The following DGKI variants were observed in gnomAD, a reference collection of about 807,000 sequenced individuals.
DGKI encodes the protein diacylglycerol kinase iota.
A neutral mutation model predicts 147.5 loss-of-function variants in DGKI; 55 were observed. That is an observed-to-expected ratio of 0.37 (90% confidence interval 0.30 to 0.47). The LOEUF (loss-of-function observed/expected upper bound fraction) is 0.47. Among genes scored for constraint, DGKI ranks in the 20% least tolerant of loss-of-function variants. The pLI, the probability that DGKI is intolerant of heterozygous loss-of-function variation, is 1.00. For missense variants in DGKI, 1,007 were observed against 1,323.8 expected (o/e 0.76, Z 3.71); for synonymous variants, 469 against 477.1 (o/e 0.98, Z 0.22).
intron 21 of DGKI, among the ~76,000 whole-genome samples, chr7:137,517,233 GAAAGAAAGAAAGAAAAGAA>G (rs1470096878): frequency 7.5e-5 from 8 of 107,230 alleles, no homozygotes; most frequent in African/African-American, 2.6e-4. Context: ...GAAAAAGAAA[GAAAGAAAGAAAGAAAAGAA>G]AAAGAAAGAA....
Position 137,521,863 on chromosome 7 carries a change from T to C in DGKI, c.2248+3A>G. 2 of 1,607,166 alleles carry C rather than the reference T, an allele frequency of 1.2e-6. No homozygotes were observed. Among genetic ancestry groups the C allele is most frequent in the Non-Finnish European group, 8.5e-7 (1 of 1,174,620 alleles). On this transcript the variant is annotated splice_donor_region_variant and intron_variant, in intron 21 of 32. Transcript: ENST00000614521. Reference sequence around the variant, plus strand: ...TGAAATCAATGAGGCACTTCCAACTTACAAGCTTCTCGGAGTTTCTCCTTG... The same window carrying C: ...TGAAATCAATGAGGCACTTCCAACTCACAAGCTTCTCGGAGTTTCTCCTTG...
Position 137,846,159 on chromosome 7 carries a change from T to TCA in DGKI, c.401+302_401+303insTG, listed in dbSNP as rs1445573422. On this transcript the variant is annotated intron_variant, in intron 1 of 32. Coordinates refer to ENST00000614521, the MANE Select transcript of DGKI (RefSeq NM_001321708.2). This position sits in a 1 kb window ranked among gnomAD's most constrained non-coding sequence, Gnocchi z 4.0. ...TTCTCTCTCTCTCTCTCTCTCTCTC[T>TCA]CTCACACACACACACACACACACAC... Among the ~76,000 whole-genome samples the TCA allele has an allele frequency of 2.0e-3, 265 of 130,096 alleles. 2 individuals carry two copies. Among genetic ancestry groups the TCA allele is most frequent in the Non-Finnish European group, 2.6e-3 (159 of 62,092 alleles). The allele number at this position is 130,096 out of a possible 152,430, so 85.3% of individuals were successfully genotyped here.
chr7:137,796,358 G>A (rs1797029571), intron 1 of DGKI, among the ~76,000 whole-genome samples: 1 of 152,114 alleles, frequency 6.6e-6, no homozygotes, highest in Non-Finnish European at 1.5e-5. Context: ...AAATTAGCTG[G>A]GCATGGTGGT....
At chr7:137,552,336 A>C in intron 20 of DGKI, 33 bp downstream of exon 20, 4 of 1,610,462 alleles carry the variant, frequency 2.5e-6, no homozygotes, top group Non-Finnish European at 3.4e-6. Context: ...CAAGGTCTTC[A>C]TGTTAAGCAA....
chr7:137,816,765 G>C (rs561373928), intron 1 of DGKI, among the ~76,000 whole-genome samples: 124 of 152,272 alleles, frequency 8.1e-4, no homozygotes, highest in Middle Eastern at 6.8e-3. Flanking sequence ...ATGACAATAG[G>C]GGGTGAGTAA....
chr7:137,515,460 C>T (rs1326501505), intron 21 of DGKI, among the ~76,000 whole-genome samples: 2 of 152,106 alleles, frequency 1.3e-5, no homozygotes, highest in East Asian at 1.9e-4. Flanking sequence ...GAGGAAGATC[C>T]AAAAACAGAA....
intron 1 of DGKI, among the ~76,000 whole-genome samples, chr7:137,724,049 A>G (rs923958932): frequency 2.7e-5 from 4 of 147,754 alleles, no homozygotes; most frequent in Non-Finnish European, 5.9e-5. Flanking sequence ...TCCTCTGAGC[A>G]GACCCCTACA....
chr7:137,509,591 G>GAGA (rs1816506169), intron 21 of DGKI, among the ~76,000 whole-genome samples: 1 of 152,156 alleles, frequency 6.6e-6, no homozygotes, highest in African/African-American at 2.4e-5. Context: ...GAGCAAAGAA[G>GAGA]GCGGCAGCAG....
At chr7:137,819,524 A>C (rs998771723) in intron 1 of DGKI, among the ~76,000 whole-genome samples, 1 of 151,822 alleles carries the variant, frequency 6.6e-6, no homozygotes, top group African/African-American at 2.4e-5. Flanking sequence ...GTTAGCCAGG[A>C]TGGTCTTGAT....
chr7:137,583,623 G>T (rs925364274), intron 14 of DGKI, among the ~76,000 whole-genome samples: 1 of 151,968 alleles, frequency 6.6e-6, no homozygotes. Flanking sequence ...TATCTGGATT[G>T]GTGTTCCCTG....
intron 1 of DGKI, among the ~76,000 whole-genome samples, chr7:137,826,442 G>A (rs543753141): frequency 4.1e-4 from 62 of 152,098 alleles, no homozygotes; most frequent in Non-Finnish European, 7.4e-4. Flanking sequence ...TGTGTGGTTT[G>A]CAGCTAAAGG....
chr7:137,584,096 G>A lies in DGKI; in HGVS notation c.1563+1113C>T, dbSNP rs558208052. ...GTTTGATCTAAATCTAAAATGATAT[G>A]GGGCTTAATCTATTATAAGATGGAA... On this transcript the variant is annotated intron_variant, in intron 14 of 32. Transcript: ENST00000614521. 2.4e-4 allele frequency among the ~76,000 whole-genome samples: 37 copies of A among 152,196 alleles called. 1 individual carries two copies. In the South Asian group the frequency reaches 6.2e-3, roughly 26 times the overall value.
chr7:137,810,953 T>G (rs752271693), intron 1 of DGKI, among the ~76,000 whole-genome samples: 1 of 152,184 alleles, frequency 6.6e-6, no homozygotes, highest in African/African-American at 2.4e-5. Flanking sequence ...GGCTCTATCT[T>G]ATGTAGTACA....
chr7:137,515,699 T>C (rs1376964603), intron 21 of DGKI, among the ~76,000 whole-genome samples: 12 of 152,258 alleles, frequency 7.9e-5, no homozygotes, highest in South Asian at 2.1e-4. Context: ...TGTGCCTCAA[T>C]TGCTTTATAT....
chr7:137,478,095 G>A (rs578129732), intron 23 of DGKI, among the ~76,000 whole-genome samples: 1 of 152,126 alleles, frequency 6.6e-6, no homozygotes, highest in African/African-American at 2.4e-5. Flanking sequence ...AAACCAAACA[G>A]AAGTCTAGAA....
intron 10 of DGKI, among the ~76,000 whole-genome samples, chr7:137,608,473 C>T (rs1363228010): frequency 6.6e-6 from 1 of 152,088 alleles, no homozygotes; most frequent in African/African-American, 2.4e-5. Context: ...CCAAGTGAAA[C>T]CTTAAGAAGT....
chr7:137,833,572 G>A (rs1048367236), intron 1 of DGKI, among the ~76,000 whole-genome samples: 3 of 152,210 alleles, frequency 2.0e-5, no homozygotes, highest in Non-Finnish European at 2.9e-5. Context: ...GGGACACAAA[G>A]CCAAACCATA....
chr7:137,714,560 C>T (rs1794320969), intron 1 of DGKI, among the ~76,000 whole-genome samples: 1 of 152,080 alleles, frequency 6.6e-6, no homozygotes, highest in Non-Finnish European at 1.5e-5. Context: ...TGCCCAAATC[C>T]CATGGTAGAT....
At chr7:137,787,215 C>G (rs1796701028) in intron 1 of DGKI, among the ~76,000 whole-genome samples, 1 of 152,072 alleles carries the variant, frequency 6.6e-6, no homozygotes, top group African/African-American at 2.4e-5. Flanking sequence ...TATTCACAAT[C>G]TATACATCTG....
Sources: allele counts gnomAD v4.1 joint callset (sites outside exome capture counted in the v4.1 genomes callset), GRCh38; gene constraint gnomAD v4.1.1; non-coding constraint Gnocchi (gnomAD v3.1); transcripts MANE v1.5; gene names NCBI Gene and HGNC (gene_info 2026-07-23, HGNC 2026-07-21).